Variants in MLLT3 observed in about 807,000 individuals in gnomAD.
MLLT3 encodes the protein MLLT3 super elongation complex subunit.
MLLT3 carries 4 observed loss-of-function variants against 53.2 expected under a neutral mutation model. The ratio of observed to expected loss-of-function variants is 0.08; its 90% CI spans 0.04 to 0.17. The LOEUF is 0.17. MLLT3 is among the 10% of genes least tolerant of loss of function. The pLI is 1.00. For synonymous variants in MLLT3, 283 were observed against 230.6 expected, an observed-to-expected ratio of 1.23 and a Z score of -2.06; for missense variants, 569 against 684.0, an observed-to-expected ratio of 0.83 and a Z score of 1.87.
chr9:20,415,102 G>A (rs1055184430), intron 4 of MLLT3, among the ~76,000 whole-genome samples: 1 of 151,916 alleles, frequency 6.6e-6, no homozygotes, highest in East Asian at 1.9e-4. Flanking sequence ...TGCAATATAA[G>A]GAATCATAAA....
At chr9:20,547,004 C>T (rs1339836003) in intron 2 of MLLT3, among the ~76,000 whole-genome samples, 1 of 152,180 alleles carries the variant, frequency 6.6e-6, no homozygotes, top group Non-Finnish European at 1.5e-5. Flanking sequence ...CCCAGAAACA[C>T]CCCATGTCTT....
intron 2 of MLLT3, among the ~76,000 whole-genome samples, chr9:20,479,745 C>T (rs1236938490): frequency 6.6e-6 from 1 of 152,088 alleles, no homozygotes; most frequent in Non-Finnish European, 1.5e-5. Flanking sequence ...ATATTCTATA[C>T]ATAATAAAAA....
Position 20,620,884 on chromosome 9 carries a change from T to C in MLLT3, c.13-50A>G. 1 of 1,598,158 alleles carries C rather than the reference T, an allele frequency of 6.3e-7. No individual in the cohort carries two copies. The highest frequency in any genetic ancestry group is 8.6e-7 in the Non-Finnish European group (1 of 1,166,932). ...GCCGTGAATAACAGGAAGGCGAGGT[T>C]TCGGCAGTGAACGTTGCGCCTGACA... On this transcript the variant is annotated intron_variant, in intron 1 of 10. Transcript: ENST00000380338. The surrounding 1 kb of genome is among the most constrained non-coding windows in gnomAD (Gnocchi z 6.1).
chr9:20,589,425 G>A (rs1325997558), intron 2 of MLLT3, among the ~76,000 whole-genome samples: 1 of 125,652 alleles, frequency 8.0e-6, no homozygotes, highest in African/African-American at 3.0e-5. Flanking sequence ...CACACTCTGG[G>A]GACTGTTGTG....
chr9:20,442,163 T>C lies in MLLT3; in HGVS notation c.420+5960A>G, dbSNP rs567689412. Among the ~76,000 whole-genome samples the C allele has an allele frequency of 2.0e-5, 3 of 152,226 alleles. No individual in the cohort carries two copies. The South Asian group carries it at 6.2e-4, about 32-fold the overall frequency. On this transcript the variant is annotated intron_variant, in intron 4 of 10. Transcript: ENST00000380338. ...TGCTCACCATCACTCATGAGAGAAATGTGAATTACAAATGAGATGCCATTT... is the reference window on the plus strand; with the variant it reads ...TGCTCACCATCACTCATGAGAGAAACGTGAATTACAAATGAGATGCCATTT...
chr9:20,370,955 A>C (rs1159041393), intron 5 of MLLT3, among the ~76,000 whole-genome samples: 1 of 152,244 alleles, frequency 6.6e-6, no homozygotes, highest in Non-Finnish European at 1.5e-5. Context: ...GAATGGAATT[A>C]AAAGTGCTAC....
intron 2 of MLLT3, among the ~76,000 whole-genome samples, chr9:20,550,628 C>G (rs1342708831): frequency 6.6e-6 from 1 of 152,114 alleles, no homozygotes; most frequent in East Asian, 1.9e-4. Flanking sequence ...CTATGTTGCC[C>G]AGGCTAGTCT....
At chr9:20,355,452 C>A (rs1391121450) in intron 8 of MLLT3, among the ~76,000 whole-genome samples, 1 of 152,144 alleles carries the variant, frequency 6.6e-6, no homozygotes, top group Non-Finnish European at 1.5e-5. Context: ...TGGTAAAACG[C>A]CAAGTGCTTT....
At chr9:20,515,716 T>A (rs770482766) in intron 2 of MLLT3, among the ~76,000 whole-genome samples, 2 of 152,190 alleles carry the variant, frequency 1.3e-5, no homozygotes, top group South Asian at 2.1e-4. Context: ...GGGTCCCATA[T>A]GGCAACCATA....
intron 2 of MLLT3, among the ~76,000 whole-genome samples, chr9:20,591,940 G>A (rs569937289): frequency 7.0e-4 from 107 of 152,196 alleles, no homozygotes; most frequent in African/African-American, 2.2e-3. Context: ...TGGGAAGATC[G>A]CTTGAGCCCA....
intron 2 of MLLT3, among the ~76,000 whole-genome samples, chr9:20,578,296 A>T (rs1013058529): frequency 1.3e-5 from 2 of 152,196 alleles, no homozygotes; most frequent in African/African-American, 2.4e-5. Flanking sequence ...TAAAATTTTG[A>T]ATCACTCTGA....
At chr9:20,456,417 C>T (rs1228131255) in intron 3 of MLLT3, among the ~76,000 whole-genome samples, 1 of 152,084 alleles carries the variant, frequency 6.6e-6, no homozygotes, top group East Asian at 1.9e-4. Context: ...TTCTTCTTTT[C>T]TATTTTACAA....
At chr9:20,475,191 G>A (rs1182396853) in intron 2 of MLLT3, among the ~76,000 whole-genome samples, 2 of 151,976 alleles carry the variant, frequency 1.3e-5, no homozygotes, top group African/African-American at 4.8e-5. Flanking sequence ...TGGGATGGCA[G>A]CTCTAGTAGG....
At chr9:20,437,510 C>T (rs1823435673) in intron 4 of MLLT3, among the ~76,000 whole-genome samples, 2 of 152,082 alleles carry the variant, frequency 1.3e-5, no homozygotes, top group Non-Finnish European at 2.9e-5. Context: ...GCTCAAGAAA[C>T]CTGACCCTGG....
In MLLT3 at chr9:20,401,565, C is replaced by T. The variant is rs1168000622; in HGVS notation, c.1125+12156G>A. Reference sequence around the variant, plus strand: ...TGTGTTCCTCCATACTTTCCATATGCTTCTAACAACGTGGCAGCTAGAGCA... The same window carrying T: ...TGTGTTCCTCCATACTTTCCATATGTTTCTAACAACGTGGCAGCTAGAGCA... On this transcript the variant is annotated intron_variant, in intron 5 of 10. Coordinates refer to ENST00000380338, the MANE Select transcript of MLLT3 (RefSeq NM_004529.4). Among the ~76,000 whole-genome samples the T allele has an allele frequency of 2.0e-5, 3 of 152,180 alleles. No individual in the cohort carries two copies. The East Asian group carries it at 5.8e-4, about 29-fold the overall frequency.
intron 2 of MLLT3, among the ~76,000 whole-genome samples, chr9:20,506,967 TTC>T (rs1219733925): frequency 2.0e-5 from 3 of 152,176 alleles, no homozygotes; most frequent in Admixed American, 1.3e-4. Context: ...AAACGAATCT[TTC>T]TCAAACATGT....
At chr9:20,581,378 T>G (rs1819789307) in intron 2 of MLLT3, among the ~76,000 whole-genome samples, 1 of 152,188 alleles carries the variant, frequency 6.6e-6, no homozygotes, top group Admixed American at 6.5e-5. Context: ...ACTGACAATG[T>G]AAACACCATC....
In MLLT3 at chr9:20,342,170, C is replaced by T; in HGVS notation, c.*4273G>A. The T allele has an allele frequency of 4.6e-6, 1 of 217,074 alleles. No individual in the cohort carries two copies. Among genetic ancestry groups the T allele is most frequent in the Non-Finnish European group, 9.3e-6 (1 of 107,802 alleles). 13.4% of individuals were successfully genotyped at this position (217,074 alleles called of 1,614,324 possible). A position where few individuals can be genotyped will look rare whatever the true frequency, so the allele number is the denominator to read the frequency against. On this transcript the variant is annotated 3_prime_UTR_variant, in exon 11 of 11. Transcript: ENST00000380338. ...AGCCAAACTTTGGTCAAATGACTCT[C>T]AGCAAATCAGTACAATTATACATTT...
At chr9:20,570,310 C>A (rs932312168) in intron 2 of MLLT3, among the ~76,000 whole-genome samples, 1 of 152,040 alleles carries the variant, frequency 6.6e-6, no homozygotes, top group Non-Finnish European at 1.5e-5. Flanking sequence ...AATTTTCTTC[C>A]GTCAGCATTA....
Sources: gnomAD v4.1 joint callset for allele counts (sites outside exome capture counted in the v4.1 genomes callset) on GRCh38, gnomAD v4.1.1 for gene constraint, Gnocchi (gnomAD v3.1) non-coding constraint, MANE v1.5 for transcripts, NCBI Gene and HGNC (gene_info 2026-07-23, HGNC 2026-07-21) for gene names.